Variants in RPP40 observed in about 807,000 individuals in gnomAD.
RPP40 encodes the protein ribonuclease P/MRP subunit p40.
In RPP40, 30 loss-of-function variants were observed where a neutral mutation model predicts 42.5. That is an observed-to-expected ratio of 0.71 (90% CI 0.53 to 0.96). The LOEUF is 0.96. RPP40 is among the 40% of genes least tolerant of loss of function. RPP40 has a pLI of 0.00. For missense variants in RPP40, 426 were observed against 433.5 expected (o/e 0.98, Z 0.15); for synonymous variants, 173 against 164.0 (o/e 1.05, Z -0.42).
At chr6:4,988,598 G>GT in the RPP40 span, among the ~76,000 whole-genome samples, 8 of 151,824 alleles carry the variant, frequency 5.3e-5, no homozygotes, top group South Asian at 4.2e-4. Context: ...TTTGGTCTGG[G>GT]TTTTTTTTCA....
At chr6:5,001,938 G>A (rs1759571287) in intron 2 of RPP40, 163 bp downstream of exon 2, 2 of 624,506 alleles carry the variant, frequency 3.2e-6, no homozygotes, top group Admixed American at 5.4e-5. Flanking sequence ...GAGGGTACAA[G>A]AAAGAACAGG....
At chr6:4,989,371 T>C in the RPP40 span, among the ~76,000 whole-genome samples, 36 of 152,328 alleles carry the variant, frequency 2.4e-4, no homozygotes, top group Admixed American at 1.6e-3. Flanking sequence ...CTAACTTGGT[T>C]CTTCTTTTGT....
intron 2 of RPP40, 156 bp downstream of exon 2, chr6:5,001,945 C>T: frequency 1.6e-6 from 1 of 636,700 alleles, no homozygotes; most frequent in Non-Finnish European, 2.7e-6. Flanking sequence ...CAAGAAAGAA[C>T]AGGATGAGAA....
At chr6:5,003,416 A>G (rs1759642768) in intron 1 of RPP40, among the ~76,000 whole-genome samples, 2 of 150,608 alleles carry the variant, frequency 1.3e-5, no homozygotes, top group Non-Finnish European at 3.0e-5. Flanking sequence ...TGCTCTGGTG[A>G]GATCCACAGG....
chr6:4,993,074 C>G (rs1288649889), downstream of RPP40, among the ~76,000 whole-genome samples: 2 of 152,176 alleles, frequency 1.3e-5, no homozygotes, highest in Non-Finnish European at 2.9e-5. Context: ...ATTTAAATAA[C>G]TGTCTTTTAA....
intron 7 of RPP40, among the ~76,000 whole-genome samples, chr6:4,995,505 C>T (rs59365793): frequency 0.031 from 4,664 of 152,248 alleles, 86 homozygotes; most frequent in South Asian, 0.09. Context: ...GCTGTTCCCA[C>T]CCTCATTCTG....
At chr6:5,001,980 T>C in intron 2 of RPP40, 121 bp downstream of exon 2, 1 of 827,656 alleles carries the variant, frequency 1.2e-6, no homozygotes. Context: ...CGTGTGCACC[T>C]GACCACACAG....
intron 7 of RPP40, among the ~76,000 whole-genome samples, chr6:4,995,710 T>G (rs1446784228): frequency 6.6e-6 from 1 of 152,216 alleles, no homozygotes; most frequent in Non-Finnish European, 1.5e-5. Flanking sequence ...TGAAAAAGGA[T>G]GTTGGGCTTA....
rs759731043 is a variant in RPP40 at position 5,003,894 on chromosome 6, A to C, written c.109T>G (p.Tyr37Asp). 3 of 1,613,516 alleles carry C rather than the reference A, an allele frequency of 1.9e-6. No homozygotes were observed. The highest frequency in any genetic ancestry group is 2.5e-6 in the Non-Finnish European group (3 of 1,179,604). ...SRHRHLVQTH[Y>D]YNYRVSFLIP... is the part of the protein sequence containing the mutation. Reference sequence around the variant, plus strand: ...GCCGGACTCACCCTGTAGTTATAGTAGTGCGTCTGCACAAGATGCCGGTGG... The same window carrying C: ...GCCGGACTCACCCTGTAGTTATAGTCGTGCGTCTGCACAAGATGCCGGTGG... Residue 37 changes from tyrosine to aspartate, a missense_variant, in exon 1 of 8, where the codon TAC becomes GAC. Transcript: ENST00000380051.
intron 2 of RPP40, chr6:5,000,964 A>C: frequency 2.3e-6 from 1 of 444,204 alleles, no homozygotes; most frequent in Non-Finnish European, 4.4e-6. Flanking sequence ...CCAAGCATGC[A>C]GAAGACCAAG....
chr6:5,002,894 G>A (rs977873216), intron 1 of RPP40, among the ~76,000 whole-genome samples: 1 of 152,178 alleles, frequency 6.6e-6, no homozygotes, highest in Non-Finnish European at 1.5e-5. Flanking sequence ...AGCCTGTTCT[G>A]ACTGATCAGG....
In RPP40 at chr6:4,998,226, G is replaced by C. The variant is rs191275251; in HGVS notation, c.559+490C>G. ...AGGAGCAACATACATGGCCGTTTTA[G>C]GCAGATTACGCTGTGTGGTGAATAG... On this transcript the variant is annotated intron_variant, in intron 5 of 7. Coordinates refer to ENST00000380051, the MANE Select transcript of RPP40 (RefSeq NM_006638.4). 3.1e-3 allele frequency among the ~76,000 whole-genome samples: 473 copies of C among 152,320 alleles called. 6 individuals carry two copies. Among genetic ancestry groups the C allele is most frequent in the African/African-American group, 0.011 (452 of 41,556 alleles).
intron 1 of RPP40, 177 bp downstream of exon 1, chr6:5,003,703 T>C (rs1759657631): frequency 1.3e-6 from 1 of 750,572 alleles, no homozygotes; most frequent in Non-Finnish European, 2.0e-6. Context: ...CCTGTAGCCC[T>C]GCAAGCCACT....
At chr6:4,989,447 T>TACACAC in the RPP40 span, among the ~76,000 whole-genome samples, 1,063 of 151,204 alleles carry the variant, frequency 7.0e-3, 9 homozygotes, top group African/African-American at 0.022. Flanking sequence ...TTTGTCATTT[T>TACACAC]ACACACACAC....
At chr6:4,994,196 T>C (rs926041879), downstream of RPP40, among the ~76,000 whole-genome samples, 2 of 128,064 alleles carry the variant, frequency 1.6e-5, no homozygotes, top group South Asian at 4.9e-4. Flanking sequence ...AATTGAACAA[T>C]GAGAACACAT....
chr6:4,999,560 G>C lies in RPP40; in HGVS notation c.433+249C>G, dbSNP rs887113759. Reference sequence around the variant, plus strand: ...GATCCGCCCGCCTTGGCCTGCCAAGGTTTAACCCGAAACATATATATTTAA... The same window carrying C: ...GATCCGCCCGCCTTGGCCTGCCAAGCTTTAACCCGAAACATATATATTTAA... On this transcript the variant is annotated intron_variant, in intron 4 of 7. Coordinates refer to ENST00000380051, the MANE Select transcript of RPP40 (RefSeq NM_006638.4). 7.2e-5 allele frequency among the ~76,000 whole-genome samples: 11 copies of C among 152,136 alleles called. No individual in the cohort carries two copies. The East Asian group carries it at 1.9e-3, about 27-fold the overall frequency.
At chr6:4,994,065 C>CA (rs947073795), downstream of RPP40, among the ~76,000 whole-genome samples, 41 of 146,834 alleles carry the variant, frequency 2.8e-4, no homozygotes, top group East Asian at 5.5e-3. Flanking sequence ...CTTCCATTTA[C>CA]AAAAAAAAAA....
chr6:4,998,898 T>C, intron 4 of RPP40, 57 bp from the exon 5 acceptor site: 2 of 1,095,666 alleles, frequency 1.8e-6, no homozygotes, highest in South Asian at 2.4e-5. Flanking sequence ...GCTTCTACCA[T>C]GGAAAAAGTG....
intron 6 of RPP40, 31 bp from the exon 7 acceptor site, chr6:4,996,116 T>C (rs370508866): frequency 6.2e-7 from 1 of 1,610,698 alleles, no homozygotes; most frequent in Non-Finnish European, 8.5e-7. Flanking sequence ...GAGAGAGAGA[T>C]AACACATGTA....
Sources: gnomAD v4.1 joint callset for allele counts (sites outside exome capture counted in the v4.1 genomes callset) on GRCh38, gnomAD v4.1.1 for gene constraint, MANE v1.5 for transcripts, NCBI Gene and HGNC (gene_info 2026-07-23, HGNC 2026-07-21) for gene names.